Variants in LRMDA observed in about 807,000 individuals in gnomAD.
The protein encoded by LRMDA is leucine rich melanocyte differentiation associated.
Under a neutral mutation model 29.8 loss-of-function variants are expected in LRMDA, and 18 were observed. The ratio of observed to expected loss-of-function variants is 0.60; its 90% CI spans 0.42 to 0.90. The LOEUF is 0.90. Ranked by LOEUF, LRMDA falls within the 40% of genes least tolerant of loss-of-function variation. LRMDA has a pLI of 0.00. For missense variants in LRMDA, 273 were observed against 273.9 expected, an observed-to-expected ratio of 1.00 and a Z score of 0.02; for synonymous variants, 125 against 109.4, an observed-to-expected ratio of 1.14 and a Z score of -0.89.
At chr10:75,569,298 A>G (rs1226101099) in intron 2 of LRMDA, among the ~76,000 whole-genome samples, 8 of 152,216 alleles carry the variant, frequency 5.3e-5, no homozygotes, top group Non-Finnish European at 8.8e-5. Context: ...TGGGCATGCC[A>G]CTATGTCAGA....
At chr10:76,031,326 C>T (rs1848146355) in intron 2 of LRMDA, among the ~76,000 whole-genome samples, 1 of 152,198 alleles carries the variant, frequency 6.6e-6, no homozygotes, top group African/African-American at 2.4e-5. Flanking sequence ...TGATCTTAGC[C>T]ACATGGCCCC....
intron 2 of LRMDA, among the ~76,000 whole-genome samples, chr10:75,546,571 T>C (rs1840083761): frequency 6.6e-6 from 1 of 152,238 alleles, no homozygotes; most frequent in Non-Finnish European, 1.5e-5. Context: ...TGCTAGTTTC[T>C]GTTTTACAAA....
At chr10:76,205,499 G>C (rs1344116158) in intron 5 of LRMDA, among the ~76,000 whole-genome samples, 1 of 152,154 alleles carries the variant, frequency 6.6e-6, no homozygotes, top group Non-Finnish European at 1.5e-5. Context: ...AGAATGTTCA[G>C]ACTTCTACCT....
chr10:76,443,635 C>G (rs1842326017), intron 6 of LRMDA, among the ~76,000 whole-genome samples: 2 of 152,058 alleles, frequency 1.3e-5, no homozygotes. Flanking sequence ...GTGCTTTATC[C>G]ACATTTACAT....
intron 2 of LRMDA, among the ~76,000 whole-genome samples, chr10:75,496,727 T>C (rs1331415900): frequency 6.6e-6 from 1 of 152,184 alleles, no homozygotes; most frequent in Non-Finnish European, 1.5e-5. Flanking sequence ...GGAAGTGCAG[T>C]TGAAGAGGAC....
chr10:76,045,654 G>A (rs1007588600), intron 3 of LRMDA, among the ~76,000 whole-genome samples: 1 of 152,096 alleles, frequency 6.6e-6, no homozygotes, highest in African/African-American at 2.4e-5. Flanking sequence ...AGGAAGACAT[G>A]TGAGCTTCAA....
At chr10:76,249,891 C>T (rs1047905610) in intron 5 of LRMDA, among the ~76,000 whole-genome samples, 2 of 152,180 alleles carry the variant, frequency 1.3e-5, no homozygotes, top group Non-Finnish European at 2.9e-5. Flanking sequence ...CAACTTCAGC[C>T]TCCCAGGTTC....
At chr10:76,103,027 T>C (rs1398768625) in intron 5 of LRMDA, among the ~76,000 whole-genome samples, 1 of 152,186 alleles carries the variant, frequency 6.6e-6, no homozygotes, top group Admixed American at 6.5e-5. Context: ...GTGGTAATTC[T>C]ACGTTTAATG....
chr10:75,696,342 TGA>T (rs1842234392), intron 2 of LRMDA, among the ~76,000 whole-genome samples: 1 of 152,232 alleles, frequency 6.6e-6, no homozygotes, highest in Non-Finnish European at 1.5e-5. Flanking sequence ...TGCTGGACAC[TGA>T]GCCAAAGGGA....
intron 2 of LRMDA, among the ~76,000 whole-genome samples, chr10:75,852,836 G>T (rs1357473628): frequency 6.6e-6 from 1 of 152,078 alleles, no homozygotes; most frequent in African/African-American, 2.4e-5. Context: ...GATGGGGGTT[G>T]TATTAGTCCG....
chr10:76,265,517 C>T (rs1455865035), intron 5 of LRMDA, among the ~76,000 whole-genome samples: 1 of 152,154 alleles, frequency 6.6e-6, no homozygotes, highest in African/African-American at 2.4e-5. Context: ...ACAGTGGGAT[C>T]ATTCTCGGGA....
intron 6 of LRMDA, among the ~76,000 whole-genome samples, chr10:76,470,964 TA>T (rs1842611315): frequency 6.6e-6 from 1 of 151,828 alleles, no homozygotes; most frequent in African/African-American, 2.4e-5. Flanking sequence ...TAATTAACTC[TA>T]AAAAAGCAAT....
At chr10:76,494,036 T>C (rs1842858998) in intron 6 of LRMDA, among the ~76,000 whole-genome samples, 1 of 152,088 alleles carries the variant, frequency 6.6e-6, no homozygotes, top group African/African-American at 2.4e-5. Context: ...GTTACTTACA[T>C]AAACTCATTT....
intron 5 of LRMDA, among the ~76,000 whole-genome samples, chr10:76,153,616 G>A (rs1589353593): frequency 6.6e-6 from 1 of 152,278 alleles, no homozygotes; most frequent in East Asian, 1.9e-4. Context: ...TAAAAGGAAT[G>A]TATGCTGTTA....
In LRMDA at chr10:75,484,134, T is replaced by A. The variant is rs147325892; in HGVS notation, c.131+45640T>A. The stretch of plus-strand genomic sequence containing the variant: ...CCACACCTGGCTAATTTTTGTATTT[T>A]TTGTAGAGATGAGATTTTGCTGTGT... On this transcript the variant is annotated intron_variant, in intron 2 of 6. Transcript: ENST00000611255. Among the ~76,000 whole-genome samples, 1,141 of 152,184 alleles carry A rather than the reference T, an allele frequency of 7.5e-3. 12 individuals are homozygous for A. The highest frequency in any genetic ancestry group is 0.026 in the African/African-American group (1,081 of 41,520).
intron 2 of LRMDA, among the ~76,000 whole-genome samples, chr10:75,931,154 T>C (rs1846199557): frequency 6.6e-6 from 1 of 152,162 alleles, no homozygotes; most frequent in African/African-American, 2.4e-5. Flanking sequence ...TTGAAAAACC[T>C]GAGTATCTCT....
intron 4 of LRMDA, among the ~76,000 whole-genome samples, chr10:76,055,237 G>A (rs1434558172): frequency 1.3e-5 from 2 of 152,106 alleles, no homozygotes; most frequent in Non-Finnish European, 2.9e-5. Flanking sequence ...GGCCAGGGAG[G>A]AAACAGGAAG....
At chr10:76,286,286 G>A (rs1479115601) in intron 5 of LRMDA, among the ~76,000 whole-genome samples, 3 of 152,162 alleles carry the variant, frequency 2.0e-5, no homozygotes, top group Non-Finnish European at 4.4e-5. Context: ...TGCATTAAAG[G>A]GCTGTAAGGA....
At chr10:75,926,308 A>G (rs902741299) in intron 2 of LRMDA, among the ~76,000 whole-genome samples, 8 of 152,214 alleles carry the variant, frequency 5.3e-5, no homozygotes, top group Non-Finnish European at 1.2e-4. Flanking sequence ...CAGGGGAGAG[A>G]AAAGATGAAA....
Sources: gnomAD v4.1 joint callset for allele counts (sites outside exome capture counted in the v4.1 genomes callset) on GRCh38, gnomAD v4.1.1 for gene constraint, MANE v1.5 for transcripts, NCBI Gene and HGNC (gene_info 2026-07-23, HGNC 2026-07-21) for gene names.